The following CDKAL1 variants were observed in gnomAD, a reference collection of about 807,000 sequenced individuals.
The protein encoded by CDKAL1 is threonylcarbamoyladenosine tRNA methylthiotransferase.
Under a neutral mutation model 68.2 loss-of-function variants are expected in CDKAL1, and 32 were observed. The observed-to-expected ratio is 0.47, with a 90% CI of 0.35 to 0.63. The LOEUF is 0.63. CDKAL1 is among the 30% of genes least tolerant of loss of function. The pLI, the probability that CDKAL1 is intolerant of heterozygous loss-of-function variation, is 0.00. For missense variants in CDKAL1, 606 were observed against 696.7 expected, an observed-to-expected ratio of 0.87 and a Z score of 1.47; for synonymous variants, 234 against 244.3, an observed-to-expected ratio of 0.96 and a Z score of 0.39.
intron 9 of CDKAL1, among the ~76,000 whole-genome samples, chr6:20,896,342 C>T (rs1761693307): frequency 6.6e-6 from 1 of 152,108 alleles, no homozygotes; most frequent in South Asian, 2.1e-4. Flanking sequence ...TCATGATCCA[C>T]CCACCTTGGC....
chr6:20,870,273 C>T (rs545865242), intron 9 of CDKAL1, among the ~76,000 whole-genome samples: 8 of 152,296 alleles, frequency 5.3e-5, no homozygotes, highest in African/African-American at 1.9e-4. Context: ...AACCTATTGT[C>T]CAGATACTGC....
chr6:20,792,085 G>A (rs943008376), intron 8 of CDKAL1, among the ~76,000 whole-genome samples: 18 of 151,914 alleles, frequency 1.2e-4, no homozygotes, highest in African/African-American at 4.1e-4. Flanking sequence ...TCCAATACAA[G>A]AATAATATAT....
intron 6 of CDKAL1, among the ~76,000 whole-genome samples, chr6:20,752,173 A>G (rs1773952330): frequency 6.6e-6 from 1 of 151,840 alleles, no homozygotes; most frequent in Admixed American, 6.6e-5. Flanking sequence ...GGAAACCAAA[A>G]TGGACATAAT....
At chr6:20,851,925 A>G (rs569008897) in intron 9 of CDKAL1, among the ~76,000 whole-genome samples, 1 of 152,198 alleles carries the variant, frequency 6.6e-6, no homozygotes, top group South Asian at 2.1e-4. Flanking sequence ...AATGATGATT[A>G]GTATACACTG....
At chr6:20,726,743 T>C (rs1417100291) in intron 5 of CDKAL1, among the ~76,000 whole-genome samples, 2 of 152,172 alleles carry the variant, frequency 1.3e-5, no homozygotes, top group African/African-American at 2.4e-5. Context: ...AGTTCTGTAT[T>C]ACACAGTGGA....
chr6:20,636,301 C>T (rs150273183), intron 4 of CDKAL1, among the ~76,000 whole-genome samples: 2 of 152,288 alleles, frequency 1.3e-5, no homozygotes, highest in African/African-American at 2.4e-5. Context: ...GGTGTTCCTT[C>T]CCATTCCCTG....
chr6:21,026,486 CTTTGCTCTAAAATTTCATCA>C (rs1768968412), intron 11 of CDKAL1, among the ~76,000 whole-genome samples: 1 of 152,112 alleles, frequency 6.6e-6, no homozygotes, highest in South Asian at 2.1e-4. Flanking sequence ...TGAGGTTCAC[CTTTGCTCTAAAATTTCATCA>C]TTTTAGTAAC....
At chr6:21,036,998 T>C (rs1769630658) in intron 11 of CDKAL1, among the ~76,000 whole-genome samples, 2 of 152,194 alleles carry the variant, frequency 1.3e-5, no homozygotes, top group Admixed American at 6.5e-5. Context: ...TGGGCCTTAT[T>C]TGCTCATCAT....
intron 9 of CDKAL1, among the ~76,000 whole-genome samples, chr6:20,945,071 T>TACACACACAC (rs141227225): frequency 0.057 from 8,550 of 150,320 alleles, 326 homozygotes; most frequent in East Asian, 0.17. Context: ...CACACACACG[T>TACACACACAC]ACACACACAC....
At chr6:21,092,302 G>A (rs570996645) in intron 12 of CDKAL1, among the ~76,000 whole-genome samples, 1 of 149,826 alleles carries the variant, frequency 6.7e-6, no homozygotes, top group East Asian at 2.0e-4. Context: ...GAACGTGCAG[G>A]TTTGTTACAT....
At chr6:20,996,274 C>T (rs1188198860) in intron 10 of CDKAL1, among the ~76,000 whole-genome samples, 1 of 152,210 alleles carries the variant, frequency 6.6e-6, no homozygotes, top group Non-Finnish European at 1.5e-5. Context: ...TGGAGTGGCA[C>T]TTTTGATTTC....
intron 4 of CDKAL1, among the ~76,000 whole-genome samples, chr6:20,581,470 A>G (rs891892268): frequency 6.6e-6 from 1 of 152,166 alleles, no homozygotes; most frequent in African/African-American, 2.4e-5. Flanking sequence ...AACTAAATAT[A>G]ATTTTTTGGT....
intron 11 of CDKAL1, among the ~76,000 whole-genome samples, chr6:21,051,345 A>G (rs576548304): frequency 2.6e-5 from 4 of 152,174 alleles, no homozygotes; most frequent in Non-Finnish European, 5.9e-5. Context: ...CTGCACTCCA[A>G]CCTAGGTGAC....
At chr6:21,136,104 T>C (rs890831238) in intron 13 of CDKAL1, among the ~76,000 whole-genome samples, 3 of 152,218 alleles carry the variant, frequency 2.0e-5, no homozygotes, top group Non-Finnish European at 2.9e-5. Flanking sequence ...CAGACATGTG[T>C]ATGGTTCTCC....
intron 8 of CDKAL1, among the ~76,000 whole-genome samples, chr6:20,784,833 A>G (rs1204021303): frequency 6.6e-6 from 1 of 152,140 alleles, no homozygotes; most frequent in African/African-American, 2.4e-5. Context: ...TTTATAAGTT[A>G]TGAGTTCTTG....
intron 4 of CDKAL1, among the ~76,000 whole-genome samples, chr6:20,572,508 A>G (rs1764745142): frequency 6.6e-6 from 1 of 152,198 alleles, no homozygotes; most frequent in Non-Finnish European, 1.5e-5. Flanking sequence ...AAACCCAAAC[A>G]CTTTAAGTTC....
intron 11 of CDKAL1, among the ~76,000 whole-genome samples, chr6:21,019,260 G>A (rs1387812200): frequency 6.6e-6 from 1 of 152,134 alleles, no homozygotes; most frequent in Non-Finnish European, 1.5e-5. Context: ...CTCCTCATTT[G>A]CTGTTAGGTG....
At chr6:20,607,883 TG>T (rs1216623147) in intron 4 of CDKAL1, among the ~76,000 whole-genome samples, 1 of 152,074 alleles carries the variant, frequency 6.6e-6, no homozygotes, top group Non-Finnish European at 1.5e-5. Flanking sequence ...TTAGTAGAGA[TG>T]GGGTTTCACC....
chr6:20,564,991 T>G (rs754694431), intron 4 of CDKAL1, among the ~76,000 whole-genome samples: 16 of 152,128 alleles, frequency 1.1e-4, no homozygotes, highest in Non-Finnish European at 2.1e-4. Flanking sequence ...TGAGGGTTAT[T>G]TATATAGCAG....
Sources: gnomAD v4.1 joint callset for allele counts (sites outside exome capture counted in the v4.1 genomes callset) on GRCh38, gnomAD v4.1.1 for gene constraint, MANE v1.5 for transcripts, NCBI Gene and HGNC (gene_info 2026-07-23, HGNC 2026-07-21) for gene names.